KAT6A: variants seen among roughly 807,000 people sequenced by gnomAD.
KAT6A encodes histone acetyltransferase KAT6A.
Under a neutral mutation model 198.4 loss-of-function variants are expected in KAT6A, and 9 were observed. The ratio of observed to expected loss-of-function variants is 0.05; its 90% confidence interval spans 0.03 to 0.08. The LOEUF is 0.08. Ranked by LOEUF, KAT6A falls within the 10% of genes least tolerant of loss-of-function variation. The pLI, the probability that KAT6A is intolerant of heterozygous loss-of-function variation, is 1.00. For missense variants in KAT6A, 2,077 were observed against 2,509.9 expected, an observed-to-expected ratio of 0.83 and a Z score of 3.69; for synonymous variants, 890 against 883.0, an observed-to-expected ratio of 1.01 and a Z score of -0.14.
intron 2 of KAT6A, among the ~76,000 whole-genome samples, chr8:42,046,521 A>C (rs1426590363): frequency 6.6e-6 from 1 of 152,170 alleles, no homozygotes; most frequent in Non-Finnish European, 1.5e-5. Flanking sequence ...ACAGAACGAG[A>C]TTCTGTCTCA....
At chr8:41,954,582 TAAC>T (rs1822836898) in intron 9 of KAT6A, among the ~76,000 whole-genome samples, 1 of 152,254 alleles carries the variant, frequency 6.6e-6, no homozygotes, top group African/African-American at 2.4e-5. Flanking sequence ...AAAAATATAA[TAAC>T]TGACATTATT....
intron 5 of KAT6A, among the ~76,000 whole-genome samples, chr8:41,980,214 C>T (rs1219860737): frequency 6.6e-6 from 1 of 151,954 alleles, no homozygotes; most frequent in African/African-American, 2.4e-5. Flanking sequence ...AACCTATAAG[C>T]ATATGAATAT....
At chr8:41,963,933 CT>C (rs1464977282) in intron 8 of KAT6A, among the ~76,000 whole-genome samples, 12 of 152,060 alleles carry the variant, frequency 7.9e-5, no homozygotes, top group African/African-American at 2.9e-4. Flanking sequence ...CTAGAAATGC[CT>C]TCTCACTCTT....
At chr8:41,978,081 G>A (rs987233999) in intron 6 of KAT6A, among the ~76,000 whole-genome samples, 3 of 152,114 alleles carry the variant, frequency 2.0e-5, no homozygotes, top group African/African-American at 4.8e-5. Context: ...CAGCTTTCTA[G>A]TCCACAATTT....
chr8:41,946,513 C>T (rs1564014774), intron 12 of KAT6A, 78 bp downstream of exon 12: 1 of 707,526 alleles, frequency 1.4e-6, no homozygotes, highest in Non-Finnish European at 2.5e-6. Context: ...CACACACACA[C>T]ACACACACAC....
At chr8:41,966,854 G>A (rs1823516777) in intron 8 of KAT6A, among the ~76,000 whole-genome samples, 2 of 152,182 alleles carry the variant, frequency 1.3e-5, no homozygotes, top group South Asian at 4.2e-4. Flanking sequence ...GTGATTAAGG[G>A]TACAGAATTA....
intron 2 of KAT6A, among the ~76,000 whole-genome samples, chr8:42,017,792 T>C (rs1258311935): frequency 1.3e-5 from 2 of 152,154 alleles, no homozygotes; most frequent in Admixed American, 1.3e-4. Flanking sequence ...GAGATAGCAC[T>C]CAGACAAAAG....
intron 8 of KAT6A, among the ~76,000 whole-genome samples, chr8:41,965,284 C>T (rs1823415583): frequency 1.3e-5 from 2 of 152,148 alleles, no homozygotes; most frequent in South Asian, 4.1e-4. Flanking sequence ...ACATAATTTT[C>T]ACATGTCCAT....
intron 15 of KAT6A, among the ~76,000 whole-genome samples, 186 bp from the exon 16 acceptor site, chr8:41,937,754 G>A (rs1389443264): frequency 6.6e-6 from 1 of 151,976 alleles, no homozygotes; most frequent in East Asian, 1.9e-4. Flanking sequence ...AAATACAAAG[G>A]TATTAGGCAA....
chr8:41,972,419 A>C (rs904177487), intron 8 of KAT6A, among the ~76,000 whole-genome samples: 1 of 152,210 alleles, frequency 6.6e-6, no homozygotes, highest in Non-Finnish European at 1.5e-5. Context: ...TATAGGTAGA[A>C]AGCAATGTTA....
At chr8:41,949,073 A>C (rs570671711) in intron 10 of KAT6A, 149 bp downstream of exon 10, 8 of 472,322 alleles carry the variant, frequency 1.7e-5, no homozygotes, top group African/African-American at 1.6e-4. Context: ...GGCATTTTAT[A>C]ATCAAATGAA....
intron 2 of KAT6A, among the ~76,000 whole-genome samples, chr8:41,997,944 A>T (rs1825300525): frequency 6.6e-6 from 1 of 152,166 alleles, no homozygotes; most frequent in Non-Finnish European, 1.5e-5. Context: ...TAAGCTTAGA[A>T]GGGTGGAAAA....
chr8:42,032,223 T>G (rs1037044978), intron 2 of KAT6A, among the ~76,000 whole-genome samples: 3 of 152,200 alleles, frequency 2.0e-5, no homozygotes, highest in African/African-American at 7.2e-5. Flanking sequence ...CAAGGAGTAC[T>G]AAGATTGAAC....
intron 9 of KAT6A, among the ~76,000 whole-genome samples, chr8:41,952,442 T>C (rs2150869543): frequency 6.6e-6 from 1 of 152,306 alleles, no homozygotes; most frequent in Admixed American, 6.5e-5. Flanking sequence ...CAGAGTAGGT[T>C]TCGCAATGAA....
At chr8:42,007,979 AAAAAAAAAT>A (rs1337212442) in intron 2 of KAT6A, among the ~76,000 whole-genome samples, 5 of 151,490 alleles carry the variant, frequency 3.3e-5, no homozygotes, top group Non-Finnish European at 5.9e-5. Context: ...AAAAAAAAAA[AAAAAAAAAT>A]TTTTATTGTT....
intron 2 of KAT6A, among the ~76,000 whole-genome samples, chr8:41,989,456 C>T (rs775731900): frequency 6.6e-6 from 1 of 151,972 alleles, no homozygotes; most frequent in Admixed American, 6.6e-5. Context: ...TTGTAGTGAG[C>T]CGAGATCGCA....
Position 41,934,691 on chromosome 8 carries a change from G to A in KAT6A, c.3529C>T (p.Arg1177Trp), listed in dbSNP as rs759075865. Residue 1177 changes from arginine (R) to tryptophan (W), a missense_variant, in exon 17 of 17, where the codon CGG becomes TGG. Transcript: ENST00000265713. ...PGRKPGFKLS[R>W]EIMPVSTQAC... ...TGAGTAGAAACTGGCATGATTTCCC[G>A]ACTCAACTTAAATCCTGGTTTTCGA... 1.9e-5 allele frequency: 31 copies of A among 1,614,026 alleles called. No homozygotes were observed. Among genetic ancestry groups the A allele is most frequent in the Admixed American group, 6.7e-5 (4 of 59,992 alleles).
intron 10 of KAT6A, 26 bp downstream of exon 10, chr8:41,949,196 G>A (rs753103945): frequency 1.4e-6 from 2 of 1,447,088 alleles, no homozygotes; most frequent in South Asian, 1.5e-5. Flanking sequence ...ATGGATGAGA[G>A]GACAATTACT....
intron 2 of KAT6A, among the ~76,000 whole-genome samples, chr8:42,019,078 A>T (rs1318388064): frequency 1.3e-5 from 2 of 152,182 alleles, no homozygotes; most frequent in African/African-American, 4.8e-5. Context: ...TCCACACAAA[A>T]AGGCAACATA....
Sources: gnomAD v4.1 joint callset for allele counts (sites outside exome capture counted in the v4.1 genomes callset) on GRCh38, gnomAD v4.1.1 for gene constraint, MANE v1.5 for transcripts, NCBI Gene and HGNC (gene_info 2026-07-23, HGNC 2026-07-21) for gene names.